FOXP2: variants seen among roughly 807,000 people sequenced by gnomAD.
FOXP2 encodes forkhead box protein P2.
FOXP2 carries 12 observed loss-of-function variants against 115.8 expected under a neutral mutation model. The observed-to-expected ratio is 0.10, with a 90% CI of 0.07 to 0.17. The LOEUF (loss-of-function observed/expected upper bound fraction) is 0.17. FOXP2 is among the 10% of genes least tolerant of loss of function. The probability of loss-of-function intolerance (pLI) is 1.00; values close to 1 mark genes in which losing one functional copy is unlikely to be tolerated. For missense variants in FOXP2, 629 were observed against 843.5 expected (o/e 0.75, Z 3.15); for synonymous variants, 328 against 297.7 (o/e 1.10, Z -1.05).
At chr7:114,603,583 A>G (rs1443458831) in intron 3 of FOXP2, among the ~76,000 whole-genome samples, 1 of 152,248 alleles carries the variant, frequency 6.6e-6, no homozygotes. Context: ...ATGTTTTATC[A>G]TTTTGAATTA....
intron 1 of FOXP2, among the ~76,000 whole-genome samples, chr7:114,421,257 A>T (rs1793606556): frequency 6.6e-6 from 1 of 151,466 alleles, no homozygotes; most frequent in Non-Finnish European, 1.5e-5. Context: ...AACTTATTTT[A>T]TTTTTTATCC....
intron 3 of FOXP2, among the ~76,000 whole-genome samples, chr7:114,577,820 C>T (rs35300803): frequency 0.17 from 25,293 of 151,732 alleles, 2,459 homozygotes; most frequent in African/African-American, 0.26. Flanking sequence ...GTCTGGCATA[C>T]AACAGCCAGT....
At chr7:114,350,597 T>C (rs1005481478) in intron 2 of FOXP2, among the ~76,000 whole-genome samples, 6 of 152,116 alleles carry the variant, frequency 3.9e-5, no homozygotes, top group African/African-American at 1.4e-4. Flanking sequence ...AGCTGCTGTT[T>C]CAGGAGTCCT....
At chr7:114,600,754 T>C (rs531316741) in intron 3 of FOXP2, among the ~76,000 whole-genome samples, 10 of 152,330 alleles carry the variant, frequency 6.6e-5, no homozygotes, top group Admixed American at 5.9e-4. Flanking sequence ...ACTTAAGATA[T>C]TGAACATAAT....
At chr7:114,132,766 A>C (rs569748045) in intron 1 of FOXP2, among the ~76,000 whole-genome samples, 43 of 152,244 alleles carry the variant, frequency 2.8e-4, no homozygotes, top group African/African-American at 1.0e-3. Flanking sequence ...GTCCTTAGCA[A>C]GTTTTGAGCA....
chr7:114,502,797 A>G (rs547501103), intron 2 of FOXP2, among the ~76,000 whole-genome samples: 6 of 152,044 alleles, frequency 3.9e-5, no homozygotes, highest in Admixed American at 2.6e-4. Flanking sequence ...TGAGCTATGC[A>G]GTTCTGTTTA....
intron 2 of FOXP2, among the ~76,000 whole-genome samples, chr7:114,373,175 G>GTTTGT (rs563384759): frequency 2.0e-3 from 299 of 151,890 alleles, no homozygotes; most frequent in Non-Finnish European, 3.0e-3. Context: ...TTGTTTGTTT[G>GTTTGT]TTTGTTTTGT....
chr7:114,616,711 T>C (rs970673980), intron 3 of FOXP2, among the ~76,000 whole-genome samples: 1 of 152,202 alleles, frequency 6.6e-6, no homozygotes, highest in African/African-American at 2.4e-5. Context: ...ACCTACACTA[T>C]GACTTTAACT....
intron 2 of FOXP2, among the ~76,000 whole-genome samples, chr7:114,489,789 A>G (rs761707272): frequency 6.6e-6 from 1 of 152,114 alleles, no homozygotes; most frequent in Non-Finnish European, 1.5e-5. Context: ...CACTTTGCCA[A>G]ATAAAATATG....
intron 3 of FOXP2, among the ~76,000 whole-genome samples, chr7:114,542,330 A>G (rs1799702140): frequency 6.6e-6 from 1 of 152,184 alleles, no homozygotes; most frequent in African/African-American, 2.4e-5. Flanking sequence ...TTTTACTAAC[A>G]AAATAAAACC....
At chr7:114,502,149 C>A (rs771526292) in intron 2 of FOXP2, among the ~76,000 whole-genome samples, 1 of 151,982 alleles carries the variant, frequency 6.6e-6, no homozygotes, top group Non-Finnish European at 1.5e-5. Context: ...TAAACCTCTG[C>A]ATGTAAATAT....
chr7:114,106,740 T>G (rs1292488845), intron 1 of FOXP2, among the ~76,000 whole-genome samples: 2 of 152,022 alleles, frequency 1.3e-5, no homozygotes, highest in Non-Finnish European at 2.9e-5. Flanking sequence ...TTTGTGGTAT[T>G]TGCAAGTAGT....
intron 2 of FOXP2, among the ~76,000 whole-genome samples, chr7:114,403,333 T>G (rs542771456): frequency 6.6e-6 from 1 of 152,184 alleles, no homozygotes; most frequent in South Asian, 2.1e-4. Context: ...GAATTTTTTG[T>G]ATGTCAGAAT....
chr7:114,428,089 C>T (rs765600203), intron 2 of FOXP2, among the ~76,000 whole-genome samples: 3 of 151,526 alleles, frequency 2.0e-5, no homozygotes, highest in Non-Finnish European at 3.0e-5. Context: ...CAGTGGAATG[C>T]TACAATATTC....
At chr7:114,565,843 C>A (rs1241884626) in intron 3 of FOXP2, among the ~76,000 whole-genome samples, 1 of 152,136 alleles carries the variant, frequency 6.6e-6, no homozygotes, top group Non-Finnish European at 1.5e-5. Context: ...GATACGTAAT[C>A]TCTGGTTCTT....
chr7:114,642,779 A>ATATAT (rs1491273950), intron 7 of FOXP2, among the ~76,000 whole-genome samples, 156 bp downstream of exon 7: 1 of 91,176 alleles, frequency 1.1e-5, no homozygotes, highest in Admixed American at 1.6e-4. Context: ...TTTTATATAT[A>ATATAT]ATATATATAT....
At position 114,205,526 on chromosome 7, in the gene FOXP2, C is replaced by T. The variant is rs142823067; in HGVS notation, c.-102+42438C>T. Among the ~76,000 whole-genome samples the T allele has an allele frequency of 4.0e-3, 612 of 152,178 alleles. 6 individuals carry two copies. The highest frequency in any genetic ancestry group is 0.013 in the African/African-American group (552 of 41,518). ...AAGTTTTTAATATTTTTGGTTTGAT[C>T]ATCTTTAGAAAGTAACCCCAAGGAC... On this transcript the variant is annotated intron_variant, in intron 1 of 17. Transcript: ENST00000634411.
intron 1 of FOXP2, among the ~76,000 whole-genome samples, chr7:114,104,387 C>T (rs1791062475): frequency 6.6e-6 from 1 of 151,806 alleles, no homozygotes; most frequent in Non-Finnish European, 1.5e-5. Flanking sequence ...TTGAGATATG[C>T]ATGGCTAATT....
At chr7:114,566,222 G>A (rs1801012297) in intron 3 of FOXP2, among the ~76,000 whole-genome samples, 1 of 152,100 alleles carries the variant, frequency 6.6e-6, no homozygotes, top group Non-Finnish European at 1.5e-5. Flanking sequence ...ATAACGTGAA[G>A]AATGTTCATA....
Sources: gnomAD v4.1 joint callset for allele counts (sites outside exome capture counted in the v4.1 genomes callset) on GRCh38, gnomAD v4.1.1 for gene constraint, MANE v1.5 for transcripts, NCBI Gene and HGNC (gene_info 2026-07-23, HGNC 2026-07-21) for gene names.